NOL4: variants seen among roughly 807,000 people sequenced by gnomAD.
NOL4 encodes the protein nucleolar protein 4.
A neutral mutation model predicts 75.9 loss-of-function variants in NOL4; 17 were observed. The observed-to-expected ratio is 0.22, with a 90% confidence interval of 0.15 to 0.34. NOL4 has a LOEUF of 0.34. Ranked by LOEUF, NOL4 falls within the 10% of genes least tolerant of loss-of-function variation. The pLI is 1.00. For synonymous variants in NOL4, 292 were observed against 289.9 expected (o/e 1.01, Z -0.07); for missense variants, 614 against 793.5 (o/e 0.77, Z 2.72).
chr18:33,925,444 GT>G (rs1294662941), intron 9 of NOL4, among the ~76,000 whole-genome samples: 2 of 152,146 alleles, frequency 1.3e-5, no homozygotes, highest in African/African-American at 4.8e-5. Context: ...TAATTGGACA[GT>G]TCCCTAGAAA....
At chr18:34,057,836 G>A (rs2076895086) in intron 5 of NOL4, among the ~76,000 whole-genome samples, 1 of 152,104 alleles carries the variant, frequency 6.6e-6, no homozygotes, top group Admixed American at 6.5e-5. Context: ...ATTACACAGT[G>A]TAAGTTACTA....
At chr18:34,157,961 G>A (rs923075759) in intron 1 of NOL4, among the ~76,000 whole-genome samples, 2 of 152,048 alleles carry the variant, frequency 1.3e-5, no homozygotes, top group Non-Finnish European at 1.5e-5. Flanking sequence ...AAAACACCAT[G>A]ACACAGAAAG....
chr18:34,223,515 G>C lies in NOL4; in HGVS notation c.-262C>G, dbSNP rs947979740. 1.0e-4 allele frequency: 57 copies of C among 561,144 alleles called. No homozygotes were observed. The highest frequency in any genetic ancestry group is 1.0e-3 in the African/African-American group (54 of 53,166). The allele number at this position is 561,144 out of a possible 1,614,324, so 34.8% of individuals were successfully genotyped here. A position where few individuals can be genotyped will look rare whatever the true frequency, so the allele number is the denominator to read the frequency against. On this transcript the variant is annotated 5_prime_UTR_variant, in exon 1 of 11. Coordinates refer to ENST00000261592, the MANE Select transcript of NOL4 (RefSeq NM_003787.5). ...CGGACGTTTTTCCTGTTCCCTTAGC[G>C]GTCGGTCTCTTTAATATTTTGTGAC...
At chr18:34,207,840 G>A (rs951855641) in intron 1 of NOL4, among the ~76,000 whole-genome samples, 1 of 152,042 alleles carries the variant, frequency 6.6e-6, no homozygotes, top group African/African-American at 2.4e-5. Context: ...TGTTCCTCTG[G>A]CCAGAGACAG....
At chr18:33,985,655 C>T (rs1021292353) in intron 6 of NOL4, among the ~76,000 whole-genome samples, 1 of 151,976 alleles carries the variant, frequency 6.6e-6, no homozygotes, top group Non-Finnish European at 1.5e-5. Context: ...ATAGCAAAAC[C>T]CACTAACTGT....
intron 2 of NOL4, among the ~76,000 whole-genome samples, chr18:34,108,021 A>G (rs2079393900): frequency 6.6e-6 from 1 of 152,176 alleles, no homozygotes; most frequent in African/African-American, 2.4e-5. Flanking sequence ...ACATGGTTGA[A>G]GGAGAGTGAA....
chr18:33,991,811 G>A (rs1278357605), intron 6 of NOL4, among the ~76,000 whole-genome samples: 1 of 151,990 alleles, frequency 6.6e-6, no homozygotes, highest in Non-Finnish European at 1.5e-5. Context: ...ACTAGACAGA[G>A]CAGAGCATTT....
intron 1 of NOL4, among the ~76,000 whole-genome samples, chr18:34,175,463 G>A (rs929859448): frequency 6.6e-6 from 1 of 152,086 alleles, no homozygotes; most frequent in Non-Finnish European, 1.5e-5. Flanking sequence ...ATAGATTCTT[G>A]AAACTCTGCA....
intron 1 of NOL4, among the ~76,000 whole-genome samples, chr18:34,144,775 T>C (rs534338424): frequency 2.0e-5 from 3 of 152,290 alleles, no homozygotes; most frequent in African/African-American, 7.2e-5. Flanking sequence ...ACACTATGCT[T>C]AGAGATACTT....
At chr18:34,190,260 G>C (rs1279368225) in intron 1 of NOL4, among the ~76,000 whole-genome samples, 1 of 151,832 alleles carries the variant, frequency 6.6e-6, no homozygotes, top group African/African-American at 2.4e-5. Context: ...TACAAGAGCT[G>C]AGAATGCTTA....
At chr18:33,972,830 A>T (rs1450047894) in intron 6 of NOL4, among the ~76,000 whole-genome samples, 2 of 152,236 alleles carry the variant, frequency 1.3e-5, no homozygotes, top group East Asian at 3.8e-4. Flanking sequence ...TTTCTAAAAA[A>T]TGCCAAAAAT....
intron 1 of NOL4, chr18:34,156,741 C>G (rs1423424250): frequency 1.3e-5 from 2 of 152,516 alleles, no homozygotes; most frequent in Non-Finnish European, 2.9e-5. Context: ...TCCAAACTGT[C>G]ACCATTCCAA....
At position 34,032,877 on chromosome 18, in the gene NOL4, A is replaced by AAAAACTTC. The variant is rs557177690; in HGVS notation, c.773-13284_773-13277dup. On this transcript the variant is annotated intron_variant, in intron 5 of 10. Coordinates refer to ENST00000261592, the MANE Select transcript of NOL4 (RefSeq NM_003787.5). The stretch of plus-strand genomic sequence containing the variant: ...GCCTTCCTGACATCCTAGCCCACAG[A>AAAAACTTC]AAAACTTCATCACAGCCTCCAATAA... Among the ~76,000 whole-genome samples the AAAAACTTC allele has an allele frequency of 7.4e-4, 113 of 152,164 alleles. 1 individual carries two copies. The highest frequency in any genetic ancestry group is 3.3e-3 in the Admixed American group (50 of 15,272).
chr18:34,102,061 A>G (rs1227118189), intron 4 of NOL4, among the ~76,000 whole-genome samples: 1 of 151,700 alleles, frequency 6.6e-6, no homozygotes, highest in Non-Finnish European at 1.5e-5. Context: ...CCTCTGCTAC[A>G]TGCACACATT....
rs576871195 is a variant in NOL4 at position 34,092,235 on chromosome 18, G to A, written c.772+1230C>T. On this transcript the variant is annotated intron_variant, in intron 5 of 10. Coordinates refer to ENST00000261592, the MANE Select transcript of NOL4 (RefSeq NM_003787.5). ...AGGAATGCCTACTCATGTTTTAGAAGAAAAGAGAAAATTTATATCTAAATC... is the reference window on the plus strand; with the variant it reads ...AGGAATGCCTACTCATGTTTTAGAAAAAAAGAGAAAATTTATATCTAAATC... 5.3e-5 allele frequency among the ~76,000 whole-genome samples: 8 copies of A among 151,980 alleles called. No homozygotes were observed. In the South Asian group the frequency reaches 1.7e-3, roughly 32 times the overall value.
At chr18:33,862,157 C>G (rs968650130) in intron 10 of NOL4, among the ~76,000 whole-genome samples, 1 of 152,026 alleles carries the variant, frequency 6.6e-6, no homozygotes, top group Non-Finnish European at 1.5e-5. Flanking sequence ...CTGAGAAAAA[C>G]AAGCAATGGG....
chr18:33,985,435 T>G (rs1184727478), intron 6 of NOL4, among the ~76,000 whole-genome samples: 1 of 152,144 alleles, frequency 6.6e-6, no homozygotes, highest in East Asian at 1.9e-4. Flanking sequence ...TATTTCACAT[T>G]TTGTTTGTGT....
intron 6 of NOL4, among the ~76,000 whole-genome samples, chr18:34,001,435 G>C: frequency 1.3e-5 from 2 of 152,102 alleles, no homozygotes; most frequent in East Asian, 3.9e-4. Context: ...CTTTCAGCTA[G>C]TCTGATTTAG....
At chr18:34,057,983 A>AT (rs542970440) in intron 5 of NOL4, among the ~76,000 whole-genome samples, 38 of 151,970 alleles carry the variant, frequency 2.5e-4, no homozygotes, top group South Asian at 6.3e-4. Context: ...TTTTCCAGTT[A>AT]TTTTTTCTCA....
Sources: allele counts gnomAD v4.1 joint callset (sites outside exome capture counted in the v4.1 genomes callset), GRCh38; gene constraint gnomAD v4.1.1; transcripts MANE v1.5; gene names NCBI Gene and HGNC (gene_info 2026-07-23, HGNC 2026-07-21).